The following VPS13B variants were observed in gnomAD, a reference collection of about 807,000 sequenced individuals.
VPS13B encodes the protein vacuolar protein sorting 13 homolog B.
In VPS13B, 285 loss-of-function variants were observed where a neutral mutation model predicts 426.4. That is an observed-to-expected ratio of 0.67 (90% CI 0.61 to 0.74). VPS13B has a LOEUF of 0.74. Ranked by LOEUF, VPS13B falls within the 30% of genes least tolerant of loss-of-function variation. The probability of loss-of-function intolerance (pLI) is 0.00; values close to 1 mark genes in which losing one functional copy is unlikely to be tolerated. For missense variants in VPS13B, 4,537 were observed against 4,782.6 expected (o/e 0.95, Z 1.51); for synonymous variants, 1,676 against 1,676.4 (o/e 1.00, Z 0.01).
intron 30 of VPS13B, among the ~76,000 whole-genome samples, chr8:99,543,544 A>T (rs1386502409): frequency 6.6e-6 from 1 of 152,104 alleles, no homozygotes; most frequent in Non-Finnish European, 1.5e-5. Context: ...AATGGGAGAA[A>T]ATTTTTGCAA....
At chr8:99,373,964 A>G (rs1465723999) in intron 19 of VPS13B, among the ~76,000 whole-genome samples, 1 of 152,162 alleles carries the variant, frequency 6.6e-6, no homozygotes, top group African/African-American at 2.4e-5. Flanking sequence ...CATTTATCTT[A>G]TAGTTTATTG....
chr8:99,156,670 TG>T lies in VPS13B; in HGVS notation c.2136del (p.His713MetfsTer32). 6.2e-7 allele frequency: 1 copy of T among 1,614,102 alleles called. No homozygotes were observed. Among genetic ancestry groups the T allele is most frequent in the Non-Finnish European group, 8.5e-7 (1 of 1,179,924 alleles). On this transcript the variant is annotated frameshift_variant, in exon 15 of 62. Coordinates refer to ENST00000357162, the MANE Select transcript of VPS13B (RefSeq NM_152564.5). LOFTEE classifies it high-confidence loss of function. ...HSVPMYAEQL[V>X]HVVSSLTQPS... is the part of the protein sequence containing the mutation. ...GTGCCAATGTATGCTGAACAGTTGG[TG>T]CATGTGGTCAGCAGCCTTACTCAAC...
chr8:99,248,344 T>G (rs1311327465), intron 17 of VPS13B, among the ~76,000 whole-genome samples: 2 of 152,176 alleles, frequency 1.3e-5, no homozygotes, highest in Non-Finnish European at 2.9e-5. Context: ...TATACATATA[T>G]AGAAATATAT....
rs530175864 is a variant in VPS13B at position 99,580,340 on chromosome 8, ATTTCT to A, written c.5220+2731_5220+2735del. Among the ~76,000 whole-genome samples the A allele has an allele frequency of 4.6e-4, 65 of 141,372 alleles. 1 individual carries two copies. The highest frequency in any genetic ancestry group is 9.4e-4 in the Admixed American group (13 of 13,792). The allele number at this position is 141,372 out of a possible 152,430, so 92.7% of individuals were successfully genotyped here. ...TATAACATTAAATATATATATATATATTTCTTTTCTTTTCTTTTCTTTTCTTTTGT... is the reference window on the plus strand; with the variant it reads ...TATAACATTAAATATATATATATATATTTCTTTTCTTTTCTTTTCTTTTGT... On this transcript the variant is annotated intron_variant, in intron 33 of 61. Transcript: ENST00000357162.
intron 39 of VPS13B, among the ~76,000 whole-genome samples, chr8:99,757,361 C>T (rs1810691911): frequency 1.3e-5 from 2 of 152,096 alleles, no homozygotes; most frequent in Admixed American, 1.3e-4. Context: ...CCCCTCTCTA[C>T]CTACCAACTC....
intron 33 of VPS13B, among the ~76,000 whole-genome samples, chr8:99,637,242 A>T (rs1225404598): frequency 1.3e-5 from 2 of 152,050 alleles, no homozygotes; most frequent in African/African-American, 4.8e-5. Context: ...AGTGGACCAG[A>T]TACCCTTCAA....
In VPS13B at chr8:99,233,979, T is replaced by G; in HGVS notation, c.2516-40219T>G. On this transcript the variant is annotated intron_variant, in intron 17 of 61. Coordinates refer to ENST00000357162, the MANE Select transcript of VPS13B (RefSeq NM_152564.5). ...CTATGGATGTCTACCCGGGACTGGG[T>G]CTGCTCAGTGATGTTCACTATGGTC... 3.8e-6 allele frequency: 3 copies of G among 780,638 alleles called. No individual in the cohort carries two copies. The South Asian group carries it at 4.0e-5, about 11-fold the overall frequency. The allele number at this position is 780,638 out of a possible 1,614,324, so 48.4% of individuals were successfully genotyped here.
At chr8:99,071,336 G>A (rs1220550421) in intron 3 of VPS13B, among the ~76,000 whole-genome samples, 1 of 152,170 alleles carries the variant, frequency 6.6e-6, no homozygotes, top group Admixed American at 6.5e-5. Flanking sequence ...TAGTAATGCT[G>A]TGACTCTTAT....
chr8:99,599,078 A>T (rs908655460), intron 33 of VPS13B, among the ~76,000 whole-genome samples: 1 of 152,046 alleles, frequency 6.6e-6, no homozygotes, highest in African/African-American at 2.4e-5. Context: ...TAAAGAATAA[A>T]GAACTACATA....
In VPS13B at chr8:99,705,689, G is replaced by A. The variant is rs973285974; in HGVS notation, c.6454+5757G>A. Among the ~76,000 whole-genome samples the A allele has an allele frequency of 4.6e-5, 7 of 152,220 alleles. No homozygotes were observed. The South Asian group carries it at 1.2e-3, about 27-fold the overall frequency. ...TTTTGAGGTATATATTCATTGTCCTGTGATAAATAGCTTGTGCATTTTTAA... is the reference window on the plus strand; with the variant it reads ...TTTTGAGGTATATATTCATTGTCCTATGATAAATAGCTTGTGCATTTTTAA... On this transcript the variant is annotated intron_variant, in intron 36 of 61. Transcript: ENST00000357162.
At chr8:99,199,087 C>G (rs749318643) in intron 17 of VPS13B, among the ~76,000 whole-genome samples, 2 of 151,938 alleles carry the variant, frequency 1.3e-5, no homozygotes, top group Non-Finnish European at 2.9e-5. Context: ...TTTTCATTTC[C>G]CACATTAATA....
chr8:99,047,517 C>A (rs189805721), intron 3 of VPS13B, among the ~76,000 whole-genome samples: 18 of 151,824 alleles, frequency 1.2e-4, no homozygotes, highest in East Asian at 9.7e-4. Flanking sequence ...TTTTTTGTTT[C>A]AGTTTAATTT....
chr8:99,155,416 G>A (rs1414725198), intron 14 of VPS13B, among the ~76,000 whole-genome samples: 5 of 152,140 alleles, frequency 3.3e-5, no homozygotes, highest in African/African-American at 1.2e-4. Flanking sequence ...CGTCTGTTGA[G>A]GATTTAGTAT....
intron 19 of VPS13B, among the ~76,000 whole-genome samples, chr8:99,361,025 G>A (rs1357564415): frequency 6.6e-6 from 1 of 152,114 alleles, no homozygotes; most frequent in Admixed American, 6.5e-5. Context: ...GGCTTTAGGG[G>A]AGACAACACT....
intron 19 of VPS13B, among the ~76,000 whole-genome samples, chr8:99,300,187 A>G (rs1351727602): frequency 6.6e-6 from 1 of 152,158 alleles, no homozygotes; most frequent in African/African-American, 2.4e-5. Flanking sequence ...GGTGAGCACA[A>G]CATTTTGAGG....
At chr8:99,282,724 A>T (rs2133022126) in intron 19 of VPS13B, among the ~76,000 whole-genome samples, 1 of 152,300 alleles carries the variant, frequency 6.6e-6, no homozygotes, top group South Asian at 2.1e-4. Flanking sequence ...TGTGATTATG[A>T]TGTTATTTTA....
chr8:99,742,842 A>G (rs1304579151), intron 39 of VPS13B, among the ~76,000 whole-genome samples: 4 of 152,196 alleles, frequency 2.6e-5, no homozygotes, highest in South Asian at 2.1e-4. Flanking sequence ...AATAAGAGCT[A>G]TCTATGACAA....
At chr8:99,740,350 G>A (rs781378651) in intron 39 of VPS13B, among the ~76,000 whole-genome samples, 1 of 152,172 alleles carries the variant, frequency 6.6e-6, no homozygotes, top group Admixed American at 6.5e-5. Flanking sequence ...CGTCTGACTG[G>A]TGTACCTAAA....
At chr8:99,677,545 A>C (rs1445946650) in intron 35 of VPS13B, among the ~76,000 whole-genome samples, 1 of 152,202 alleles carries the variant, frequency 6.6e-6, no homozygotes, top group Non-Finnish European at 1.5e-5. Flanking sequence ...TTTTTCAACT[A>C]TAACTTTTAT....
Sources: gnomAD v4.1 joint callset for allele counts (sites outside exome capture counted in the v4.1 genomes callset) on GRCh38, gnomAD v4.1.1 for gene constraint, MANE v1.5 for transcripts, NCBI Gene and HGNC (gene_info 2026-07-23, HGNC 2026-07-21) for gene names.